Variants in TNKS2 observed in about 807,000 individuals in gnomAD.
TNKS2 encodes the protein poly [ADP-ribose] polymerase tankyrase-2.
A neutral mutation model predicts 137.6 loss-of-function variants in TNKS2; 72 were observed. That is an observed-to-expected ratio of 0.52 (90% CI 0.43 to 0.64). TNKS2 has a LOEUF of 0.64. TNKS2 is among the 30% of genes least tolerant of loss of function. TNKS2 has a pLI of 0.00. For synonymous variants in TNKS2, 516 were observed against 512.1 expected (o/e 1.01, Z -0.10); for missense variants, 1,049 against 1,410.2 (o/e 0.74, Z 4.10).
At position 91,827,127 on chromosome 10, in the gene TNKS2, C is replaced by T; in HGVS notation, c.906C>T (p.Asp302=). The change falls in exon 8 of 27, where the codon GAC becomes GAT. Residue 302 remains aspartate, a synonymous_variant. Transcript: ENST00000371627. ...CTCTTCTCTTAAGTTATGGTGCAGACCCAACACTGCTCAATTGTCACAATA... is the reference window on the plus strand; with the variant it reads ...CTCTTCTCTTAAGTTATGGTGCAGATCCAACACTGCTCAATTGTCACAATA... ...VCSLLLSYGA[D]PTLLNCHNKS... 2 of 1,609,648 alleles carry T rather than the reference C, an allele frequency of 1.2e-6. No homozygotes were observed. Among genetic ancestry groups the T allele is most frequent in the Non-Finnish European group, 1.7e-6 (2 of 1,177,756 alleles).
rs559920584 is a variant in TNKS2 at position 91,855,756 on chromosome 10, T to G, written c.2988+68T>G. On this transcript the variant is annotated intron_variant, in intron 23 of 26. Transcript: ENST00000371627. ...TCAAAGCCTGAAGCCATAAGTAACTTTCATAAGAATCTAATCTGTCTAGCC... is the reference window on the plus strand; with the variant it reads ...TCAAAGCCTGAAGCCATAAGTAACTGTCATAAGAATCTAATCTGTCTAGCC... 1.3e-5 allele frequency: 15 copies of G among 1,175,428 alleles called. No individual in the cohort carries two copies. In the South Asian group the frequency reaches 2.0e-4, roughly 16 times the overall value. 72.8% of individuals were successfully genotyped at this position (1,175,428 alleles called of 1,614,324 possible).
At chr10:91,817,082 T>G (rs1844726663) in intron 2 of TNKS2, 52 bp from the exon 3 acceptor site, 1 of 1,295,564 alleles carries the variant, frequency 7.7e-7, no homozygotes, top group Non-Finnish European at 1.1e-6. Context: ...TTTACTAAAA[T>G]CAAGTTGTTA....
Position 91,808,025 on chromosome 10 carries a change from T to TAAGG in TNKS2, c.200-4957_200-4954dup, listed in dbSNP as rs386372080. 3.2e-4 allele frequency among the ~76,000 whole-genome samples: 11 copies of TAAGG among 34,492 alleles called. 1 individual carries two copies. In the East Asian group the frequency reaches 0.026, roughly 80 times the overall value. 22.6% of individuals were successfully genotyped at this position (34,492 alleles called of 152,430 possible). On this transcript the variant is annotated intron_variant, in intron 1 of 26. Coordinates refer to ENST00000371627, the MANE Select transcript of TNKS2 (RefSeq NM_025235.4). ...AAAAAAAAAAAAAGAGTCTAGAAAA[T>TAAGG]AAGGCAGTAATTACAAATTTTAATA...
chr10:91,803,471 A>G (rs983518608), intron 1 of TNKS2, among the ~76,000 whole-genome samples: 1 of 152,138 alleles, frequency 6.6e-6, no homozygotes, highest in Non-Finnish European at 1.5e-5. Context: ...GCGAAACCCC[A>G]TCTCTACAAA....
intron 23 of TNKS2, among the ~76,000 whole-genome samples, chr10:91,856,582 T>G (rs1490241581): frequency 6.6e-6 from 1 of 152,194 alleles, no homozygotes; most frequent in Non-Finnish European, 1.5e-5. Context: ...TGTGTTTGAT[T>G]TCTAAAGTAG....
chr10:91,798,828 T>C lies in TNKS2; in HGVS notation c.138T>C (p.Pro46=). The change falls in exon 1 of 27, where the codon CCT becomes CCC. Residue 46 remains proline, a synonymous_variant. Coordinates refer to ENST00000371627, the MANE Select transcript of TNKS2 (RefSeq NM_025235.4). ...DVERVKRLVT[P]EKVNSRDTAG... is the part of the protein sequence containing the mutation. The stretch of plus-strand genomic sequence containing the variant: ...AACGAGTCAAGAGGCTGGTGACGCC[T>C]GAGAAGGTGAACAGCCGCGACACGG... The C allele has an allele frequency of 7.4e-7, 1 of 1,357,364 alleles. No individual in the cohort carries two copies. The highest frequency in any genetic ancestry group is 9.6e-7 in the Non-Finnish European group (1 of 1,046,346). The allele number at this position is 1,357,364 out of a possible 1,614,324, so 84.1% of individuals were successfully genotyped here. A position where few individuals can be genotyped will look rare whatever the true frequency, so the allele number is the denominator to read the frequency against.
At position 91,845,896 on chromosome 10, in the gene TNKS2, A is replaced by T; in HGVS notation, c.2314A>T (p.Thr772Ser). The T allele has an allele frequency of 6.3e-7, 1 of 1,587,212 alleles. No homozygotes were observed. Among genetic ancestry groups the T allele is most frequent in the Non-Finnish European group, 8.6e-7 (1 of 1,160,766 alleles). Reference protein sequence around the residue: ...ALLLAHGADPTLKNQEGQTPL... With the variant: ...ALLLAHGADPSLKNQEGQTPL... Reference sequence around the variant, plus strand: ...GTTGCTAGCCCATGGAGCTGACCCGACTCTTAAAAATCAGGAAGGACAAAC... The same window carrying T: ...GTTGCTAGCCCATGGAGCTGACCCGTCTCTTAAAAATCAGGAAGGACAAAC... The change falls in exon 18 of 27, where the codon ACT becomes TCT. Residue 772 changes from threonine (T) to serine (S), a missense_variant. Coordinates refer to ENST00000371627, the MANE Select transcript of TNKS2 (RefSeq NM_025235.4).
intron 3 of TNKS2, among the ~76,000 whole-genome samples, chr10:91,818,769 G>A (rs1019648977): frequency 6.6e-6 from 1 of 152,146 alleles, no homozygotes; most frequent in Non-Finnish European, 1.5e-5. Context: ...TTGGGCTCAA[G>A]CGATCCACCC....
At chr10:91,859,229 A>G (rs1238675359) in intron 24 of TNKS2, among the ~76,000 whole-genome samples, 4 of 152,152 alleles carry the variant, frequency 2.6e-5, no homozygotes, top group African/African-American at 7.2e-5. Flanking sequence ...TTCTAGTTCA[A>G]TCTGTGTCCT....
chr10:91,802,668 C>G (rs1844206298), intron 1 of TNKS2, among the ~76,000 whole-genome samples: 1 of 152,214 alleles, frequency 6.6e-6, no homozygotes, highest in Admixed American at 6.5e-5. Context: ...TATCTTTTCC[C>G]AAAATGATAA....
rs1364226444 is a variant in TNKS2 at position 91,840,668 on chromosome 10, G to A, written c.1635G>A (p.Leu545=). The A allele has an allele frequency of 5.0e-6, 8 of 1,614,144 alleles. No homozygotes were observed. The highest frequency in any genetic ancestry group is 6.8e-6 in the Non-Finnish European group (8 of 1,180,014). Residue 545 remains leucine (L), a synonymous_variant, in exon 14 of 27, where the codon CTG becomes CTA. Transcript: ENST00000371627. ...ACAGAGTGTCCGTGGTGGAATATCT[G>A]CTACAGCATGGAGCTGATGTGCATG... The part of the protein sequence containing the change: ...GYNRVSVVEY[L]LQHGADVHAK...
intron 7 of TNKS2, among the ~76,000 whole-genome samples, chr10:91,822,928 C>A (rs1457155367): frequency 6.6e-6 from 1 of 151,524 alleles, no homozygotes; most frequent in Non-Finnish European, 1.5e-5. Flanking sequence ...GACGCATCAT[C>A]TGAAATCCCA....
At chr10:91,819,894 C>T in intron 5 of TNKS2, 45 bp from the exon 6 acceptor site, 3 of 1,414,508 alleles carry the variant, frequency 2.1e-6, no homozygotes, top group Non-Finnish European at 2.9e-6. Flanking sequence ...ACATTTTATT[C>T]AACCATTATT....
intron 1 of TNKS2, among the ~76,000 whole-genome samples, chr10:91,806,777 A>G (rs545579690): frequency 3.3e-5 from 5 of 152,326 alleles, no homozygotes; most frequent in Admixed American, 1.3e-4. Flanking sequence ...TTATGCTCCA[A>G]AATACATGGA....
intron 1 of TNKS2, among the ~76,000 whole-genome samples, chr10:91,805,107 C>CT (rs5786972): frequency 0.023 from 3,383 of 147,036 alleles, 54 homozygotes; most frequent in Non-Finnish European, 0.034. Context: ...CTCCAAGCAA[C>CT]TTTTTTTTTT....
intron 24 of TNKS2, among the ~76,000 whole-genome samples, chr10:91,859,018 TA>T (rs960882682): frequency 1.3e-4 from 19 of 145,974 alleles, no homozygotes; most frequent in South Asian, 6.5e-4. Flanking sequence ...CAAAAAAATT[TA>T]AAAAAAAAAA....
intron 16 of TNKS2, among the ~76,000 whole-genome samples, chr10:91,843,781 C>G (rs1842285344): frequency 6.6e-6 from 1 of 152,040 alleles, no homozygotes; most frequent in African/African-American, 2.4e-5. Flanking sequence ...AAAAATAATG[C>G]AAAATTTCTG....
intron 1 of TNKS2, chr10:91,807,254 A>G: frequency 1.2e-6 from 2 of 1,609,526 alleles, no homozygotes; most frequent in Non-Finnish European, 8.5e-7. Flanking sequence ...GGAATTTCTC[A>G]ATCTTCTTTA....
intron 13 of TNKS2, among the ~76,000 whole-genome samples, chr10:91,838,536 A>G (rs1192918292): frequency 6.6e-6 from 1 of 152,222 alleles, no homozygotes; most frequent in African/African-American, 2.4e-5. Flanking sequence ...AGAGTGGACA[A>G]AATTAAACTG....
Sources: gnomAD v4.1 joint callset for allele counts (sites outside exome capture counted in the v4.1 genomes callset) on GRCh38, gnomAD v4.1.1 for gene constraint, MANE v1.5 for transcripts, NCBI Gene and HGNC (gene_info 2026-07-23, HGNC 2026-07-21) for gene names.